TMTC2: variants seen among roughly 807,000 people sequenced by gnomAD.
TMTC2 encodes protein O-mannosyl-transferase TMTC2.
A neutral mutation model predicts 82.4 loss-of-function variants in TMTC2; 43 were observed. The ratio of observed to expected loss-of-function variants is 0.52; its 90% confidence interval spans 0.41 to 0.67. The LOEUF (loss-of-function observed/expected upper bound fraction) is 0.67. Among genes scored for constraint, TMTC2 ranks in the 30% least tolerant of loss-of-function variants. The probability of loss-of-function intolerance (pLI) is 0.00; values close to 1 mark genes in which losing one functional copy is unlikely to be tolerated. For missense variants in TMTC2, 919 were observed against 1,012.4 expected, an observed-to-expected ratio of 0.91 and a Z score of 1.25; for synonymous variants, 408 against 381.9, an observed-to-expected ratio of 1.07 and a Z score of -0.80.
chr12:82,764,911 C>T (rs534622767), intron 1 of TMTC2, among the ~76,000 whole-genome samples: 2 of 143,858 alleles, frequency 1.4e-5, no homozygotes, highest in African/African-American at 5.2e-5. Context: ...CTGCATTTTA[C>T]GTAAGACAAC....
At chr12:82,802,467 A>C (rs929576083) in intron 1 of TMTC2, among the ~76,000 whole-genome samples, 9 of 152,174 alleles carry the variant, frequency 5.9e-5, no homozygotes, top group Non-Finnish European at 1.2e-4. Flanking sequence ...AGGTGCTGAG[A>C]GTGAGCGAGG....
chr12:82,998,766 T>C (rs1402021984), intron 8 of TMTC2, among the ~76,000 whole-genome samples: 2 of 152,172 alleles, frequency 1.3e-5, no homozygotes, highest in Non-Finnish European at 2.9e-5. Flanking sequence ...TTTTATCTTA[T>C]GAATTTATTT....
At chr12:82,854,217 G>T (rs960125967) in intron 1 of TMTC2, among the ~76,000 whole-genome samples, 1 of 152,156 alleles carries the variant, frequency 6.6e-6, no homozygotes, top group African/African-American at 2.4e-5. Flanking sequence ...TCATGACTGG[G>T]TTCAACTGTT....
At chr12:82,941,135 C>T (rs1270056260) in intron 4 of TMTC2, among the ~76,000 whole-genome samples, 2 of 151,984 alleles carry the variant, frequency 1.3e-5, no homozygotes, top group Non-Finnish European at 2.9e-5. Context: ...TAAAAAGAGC[C>T]AAGTGTTAGT....
chr12:83,103,628 T>C (rs1884299777), intron 11 of TMTC2, among the ~76,000 whole-genome samples: 2 of 152,144 alleles, frequency 1.3e-5, no homozygotes, highest in South Asian at 2.1e-4. Context: ...ACTTCCAACA[T>C]TGGGGATTAC....
intron 3 of TMTC2, among the ~76,000 whole-genome samples, chr12:82,910,252 C>T (rs1796209): frequency 0.56 from 84,612 of 152,002 alleles, 24,316 homozygotes; most frequent in Middle Eastern, 0.67. Context: ...AATTTTTATG[C>T]ATGTGGGCAT....
At chr12:83,056,569 A>G (rs1434040565) in intron 10 of TMTC2, among the ~76,000 whole-genome samples, 3 of 151,974 alleles carry the variant, frequency 2.0e-5, no homozygotes, top group South Asian at 4.1e-4. Flanking sequence ...TGAGAAAAAA[A>G]ACAGAATCAA....
At chr12:82,702,839 C>A (rs1873147653) in intron 1 of TMTC2, among the ~76,000 whole-genome samples, 1 of 152,024 alleles carries the variant, frequency 6.6e-6, no homozygotes, top group Non-Finnish European at 1.5e-5. Flanking sequence ...CACAGGGAGA[C>A]CCTGTCTCTA....
chr12:82,787,593 G>A (rs531900169), intron 1 of TMTC2, among the ~76,000 whole-genome samples: 46 of 152,084 alleles, frequency 3.0e-4, no homozygotes, highest in African/African-American at 9.9e-4. Context: ...TACTCTTAGC[G>A]GATTAAAAAC....
At chr12:83,017,869 C>T (rs1203277970) in intron 8 of TMTC2, among the ~76,000 whole-genome samples, 1 of 150,596 alleles carries the variant, frequency 6.6e-6, no homozygotes, top group Admixed American at 6.6e-5. Flanking sequence ...TTTATCTTTA[C>T]GGTGTCAGAA....
At chr12:82,729,414 A>G (rs1196099160) in intron 1 of TMTC2, among the ~76,000 whole-genome samples, 1 of 152,002 alleles carries the variant, frequency 6.6e-6, no homozygotes, top group Non-Finnish European at 1.5e-5. Context: ...TGCACTCTGT[A>G]TCTAGTTCAA....
At chr12:82,978,935 G>C (rs1441275358) in intron 7 of TMTC2, among the ~76,000 whole-genome samples, 3 of 151,610 alleles carry the variant, frequency 2.0e-5, no homozygotes, top group African/African-American at 7.3e-5. Flanking sequence ...GTTATATAAT[G>C]ACCCTCCTTG....
At chr12:82,943,013 G>A (rs548473891) in intron 4 of TMTC2, among the ~76,000 whole-genome samples, 1 of 152,344 alleles carries the variant, frequency 6.6e-6, no homozygotes, top group East Asian at 1.9e-4. Flanking sequence ...GAAAGAAGCT[G>A]ATCTGTTCAG....
At chr12:83,058,006 T>A (rs1565872196) in intron 10 of TMTC2, among the ~76,000 whole-genome samples, 1 of 151,870 alleles carries the variant, frequency 6.6e-6, no homozygotes, top group Non-Finnish European at 1.5e-5. Context: ...CTTCAAACAT[T>A]TCATAGGGTA....
At chr12:82,786,263 C>A (rs1878171585) in intron 1 of TMTC2, among the ~76,000 whole-genome samples, 1 of 151,974 alleles carries the variant, frequency 6.6e-6, no homozygotes, top group Non-Finnish European at 1.5e-5. Context: ...GAATTATAGT[C>A]TAGTTGAGAA....
chr12:83,063,550 T>C lies in TMTC2; in HGVS notation c.2331+1719T>C, dbSNP rs142009899. On this transcript the variant is annotated intron_variant, in intron 11 of 11. Transcript: ENST00000321196. ...CCCACAGATACCTTTGTGATCCCTATTCTGTGGAAGGGCTGAGAAGTTAAT... is the reference window on the plus strand; with the variant it reads ...CCCACAGATACCTTTGTGATCCCTACTCTGTGGAAGGGCTGAGAAGTTAAT... Among the ~76,000 whole-genome samples, 54 of 151,988 alleles carry C rather than the reference T, an allele frequency of 3.6e-4. 1 individual carries two copies. The East Asian group carries it at 9.3e-3, about 26-fold the overall frequency.
At chr12:82,899,714 T>G (rs1339247744) in intron 3 of TMTC2, among the ~76,000 whole-genome samples, 2 of 143,912 alleles carry the variant, frequency 1.4e-5, no homozygotes, top group Non-Finnish European at 3.0e-5. Flanking sequence ...ATATGTGGAA[T>G]ATATATATAA....
chr12:82,830,954 A>G (rs2137076071), intron 1 of TMTC2, among the ~76,000 whole-genome samples: 1 of 152,314 alleles, frequency 6.6e-6, no homozygotes, highest in South Asian at 2.1e-4. Flanking sequence ...TATCAACTTC[A>G]AGAAGGTGGT....
intron 3 of TMTC2, among the ~76,000 whole-genome samples, chr12:82,922,577 A>G (rs1378966583): frequency 6.7e-6 from 1 of 149,184 alleles, no homozygotes; most frequent in Non-Finnish European, 1.5e-5. Flanking sequence ...TATTTTATTC[A>G]TGTATTAATC....
Sources: allele counts gnomAD v4.1 joint callset (sites outside exome capture counted in the v4.1 genomes callset), GRCh38; gene constraint gnomAD v4.1.1; transcripts MANE v1.5; gene names NCBI Gene and HGNC (gene_info 2026-07-23, HGNC 2026-07-21).